Variants in ASCC1 observed in about 807,000 individuals in gnomAD.
The protein encoded by ASCC1 is ASC-1 complex subunit P50.
A neutral mutation model predicts 46.6 loss-of-function variants in ASCC1; 35 were observed. That is an observed-to-expected ratio of 0.75 (90% CI 0.57 to 0.99). The LOEUF (loss-of-function observed/expected upper bound fraction) is 0.99, where lower values mean the gene tolerates loss of function less well. Among genes scored for constraint, ASCC1 ranks in the 50% least tolerant of loss-of-function variants. The pLI is 0.00. For synonymous variants in ASCC1, 143 were observed against 146.6 expected, an observed-to-expected ratio of 0.98 and a Z score of 0.18; for missense variants, 376 against 428.7, an observed-to-expected ratio of 0.88 and a Z score of 1.09.
At chr10:72,190,198 T>C in intron 5 of ASCC1, 1 of 764,404 alleles carries the variant, frequency 1.3e-6, no homozygotes, top group South Asian at 1.3e-5. Context: ...AGCCTGTCCA[T>C]CATGGTGTTA....
intron 5 of ASCC1, among the ~76,000 whole-genome samples, chr10:72,174,711 C>T (rs1324769530): frequency 6.6e-6 from 1 of 152,196 alleles, no homozygotes; most frequent in Non-Finnish European, 1.5e-5. Flanking sequence ...GTATAACAAA[C>T]GTTTGTGCCT....
At chr10:72,167,569 T>A (rs748010697) in intron 5 of ASCC1, among the ~76,000 whole-genome samples, 1 of 152,100 alleles carries the variant, frequency 6.6e-6, no homozygotes, top group Non-Finnish European at 1.5e-5. Context: ...ATTGTACACT[T>A]AAAATGAATT....
intron 7 of ASCC1, among the ~76,000 whole-genome samples, chr10:72,138,111 T>A (rs1846487993): frequency 1.3e-5 from 2 of 152,244 alleles, no homozygotes; most frequent in African/African-American, 2.4e-5. Context: ...ACGATCCACC[T>A]GCCTTGGCCT....
At chr10:72,138,656 T>G (rs919163755) in intron 7 of ASCC1, among the ~76,000 whole-genome samples, 1 of 143,150 alleles carries the variant, frequency 7.0e-6, no homozygotes, top group South Asian at 2.2e-4. Context: ...TAGGCTGGAG[T>G]GCAGTGGCGC....
chr10:72,177,621 C>A (rs1253548518), intron 5 of ASCC1, among the ~76,000 whole-genome samples: 1 of 152,164 alleles, frequency 6.6e-6, no homozygotes, highest in African/African-American at 2.4e-5. Flanking sequence ...TTCAAATGTT[C>A]CACTGCACAT....
chr10:72,187,517 G>C (rs1006352246), intron 5 of ASCC1, among the ~76,000 whole-genome samples: 1 of 151,220 alleles, frequency 6.6e-6, no homozygotes, highest in African/African-American at 2.4e-5. Flanking sequence ...TCAGGAGATA[G>C]AGACCATCCT....
chr10:72,130,476 G>A (rs1425713728), intron 8 of ASCC1, among the ~76,000 whole-genome samples: 3 of 152,130 alleles, frequency 2.0e-5, no homozygotes, highest in Non-Finnish European at 4.4e-5. Flanking sequence ...CTTATATAAA[G>A]CTCTAGTACT....
intron 5 of ASCC1, among the ~76,000 whole-genome samples, chr10:72,178,149 GA>G (rs1852093030): frequency 6.6e-6 from 1 of 152,134 alleles, no homozygotes; most frequent in Non-Finnish European, 1.5e-5. Context: ...TGATCAGAAG[GA>G]TAGAATGAGA....
chr10:72,182,566 G>A (rs1852779371), intron 5 of ASCC1, among the ~76,000 whole-genome samples: 1 of 152,018 alleles, frequency 6.6e-6, no homozygotes, highest in African/African-American at 2.4e-5. Context: ...TACTATATGG[G>A]ATAAATATAT....
chr10:72,162,461 G>A (rs543233554), intron 5 of ASCC1, among the ~76,000 whole-genome samples: 4 of 151,644 alleles, frequency 2.6e-5, no homozygotes, highest in South Asian at 2.1e-4. Context: ...GTGAGCCACC[G>A]CGCCTGGCCC....
chr10:72,171,288 T>C (rs1308026628), intron 5 of ASCC1, among the ~76,000 whole-genome samples: 4 of 152,168 alleles, frequency 2.6e-5, no homozygotes, highest in African/African-American at 9.7e-5. Context: ...CTGCATTCCT[T>C]GCGGAGGCTC....
intron 5 of ASCC1, among the ~76,000 whole-genome samples, chr10:72,172,815 TATA>T (rs1431296205): frequency 1.5e-5 from 2 of 134,118 alleles, no homozygotes; most frequent in African/African-American, 5.5e-5. Context: ...TTATATTATA[TATA>T]ATATATATTT....
chr10:72,205,273 C>T (rs1857037538), intron 3 of ASCC1, among the ~76,000 whole-genome samples: 2 of 152,136 alleles, frequency 1.3e-5, no homozygotes, highest in Non-Finnish European at 2.9e-5. Context: ...AGTTCAAGAC[C>T]AGCCTGGCCA....
In ASCC1 at chr10:72,184,107, G is replaced by T. The variant is rs537045726; in HGVS notation, c.489+12704C>A. Among the ~76,000 whole-genome samples, 4 of 151,884 alleles carry T rather than the reference G, an allele frequency of 2.6e-5. No homozygotes were observed. In the East Asian group the frequency reaches 5.8e-4, roughly 22 times the overall value. Reference sequence around the variant, plus strand: ...TGCAGTGAGCCGAGACTGCACCACTGCACTCCAGCCTGGGTAACAGAGCCA... The same window carrying T: ...TGCAGTGAGCCGAGACTGCACCACTTCACTCCAGCCTGGGTAACAGAGCCA... On this transcript the variant is annotated intron_variant, in intron 5 of 9. Transcript: ENST00000672957.
chr10:72,197,061 T>C, intron 4 of ASCC1, 72 bp from the exon 5 acceptor site: 11 of 1,472,590 alleles, frequency 7.5e-6, no homozygotes, highest in South Asian at 3.4e-5. Flanking sequence ...CTCTTGATAC[T>C]GTCACCTCTG....
At chr10:72,186,224 C>T (rs985003901) in intron 5 of ASCC1, among the ~76,000 whole-genome samples, 20 of 151,742 alleles carry the variant, frequency 1.3e-4, no homozygotes, top group Non-Finnish European at 2.5e-4. Flanking sequence ...AACTCCTGGG[C>T]TTAAGCTATC....
chr10:72,161,466 A>C, intron 6 of ASCC1, 72 bp downstream of exon 6: 1 of 1,599,274 alleles, frequency 6.3e-7, no homozygotes, highest in Non-Finnish European at 8.6e-7. Context: ...CTGGTTCAAA[A>C]ACAAGTCTGT....
chr10:72,178,796 A>G (rs1478604837), intron 5 of ASCC1, among the ~76,000 whole-genome samples: 2 of 152,212 alleles, frequency 1.3e-5, no homozygotes, highest in African/African-American at 2.4e-5. Context: ...AGGTAGGGTA[A>G]ACTATAACCT....
intron 5 of ASCC1, among the ~76,000 whole-genome samples, chr10:72,175,816 T>C (rs1325004246): frequency 6.6e-6 from 1 of 152,184 alleles, no homozygotes. Flanking sequence ...TTGAAAGCAC[T>C]AGTTAGCAAG....
Sources: allele counts gnomAD v4.1 joint callset (sites outside exome capture counted in the v4.1 genomes callset), GRCh38; gene constraint gnomAD v4.1.1; transcripts MANE v1.5; gene names NCBI Gene and HGNC (gene_info 2026-07-23, HGNC 2026-07-21).